Variants in ST18 observed in about 807,000 individuals in gnomAD.
ST18 encodes suppression of tumorigenicity 18 protein.
ST18 carries 50 observed loss-of-function variants against 110.0 expected under a neutral mutation model. The observed-to-expected ratio is 0.45, with a 90% CI of 0.36 to 0.58. ST18 has a LOEUF of 0.58. Among genes scored for constraint, ST18 ranks in the 20% least tolerant of loss-of-function variants. The probability of loss-of-function intolerance (pLI) is 0.00; values close to 1 mark genes in which losing one functional copy is unlikely to be tolerated. For synonymous variants in ST18, 461 were observed against 452.4 expected (o/e 1.02, Z -0.24); for missense variants, 1,306 against 1,280.1 (o/e 1.02, Z -0.31).
intron 17 of ST18, among the ~76,000 whole-genome samples, chr8:52,141,329 G>T (rs1347328189): frequency 6.6e-6 from 1 of 152,228 alleles, no homozygotes. Context: ...CCAAGTCACT[G>T]TCCATGTAGG....
intron 2 of ST18, among the ~76,000 whole-genome samples, chr8:52,259,834 T>A (rs2094630951): frequency 6.6e-6 from 1 of 152,190 alleles, no homozygotes; most frequent in South Asian, 2.1e-4. Context: ...TATCTACACA[T>A]CCTACCAGAC....
At chr8:52,388,846 A>G (rs560925555) in intron 2 of ST18, among the ~76,000 whole-genome samples, 11 of 149,378 alleles carry the variant, frequency 7.4e-5, no homozygotes, top group South Asian at 2.2e-4. Context: ...GGATAGCTTT[A>G]GGAGATATAC....
intron 2 of ST18, among the ~76,000 whole-genome samples, chr8:52,263,870 C>T (rs913026951): frequency 1.5e-5 from 2 of 136,546 alleles, no homozygotes; most frequent in Admixed American, 1.4e-4. Flanking sequence ...CCGATCTTCA[C>T]TCACTGCAAC....
intron 8 of ST18, among the ~76,000 whole-genome samples, chr8:52,185,869 G>A (rs750840385): frequency 1.3e-5 from 2 of 152,094 alleles, no homozygotes; most frequent in Non-Finnish European, 2.9e-5. Context: ...CACGACCTTG[G>A]GGTAGGCAAA....
chr8:52,212,130 A>T lies in ST18; in HGVS notation c.56-21T>A, dbSNP rs188630576. 171 of 1,596,114 alleles carry T rather than the reference A, an allele frequency of 1.1e-4. No homozygotes were observed. The Middle Eastern group carries it at 1.5e-3, about 14-fold the overall frequency. On this transcript the variant is annotated intron_variant, in intron 7 of 25. Coordinates refer to ENST00000689386, the MANE Select transcript of ST18 (RefSeq NM_001352837.2). ...TGGCACTGTTGACAAAAGAAGAAAA[A>T]AAAGAAGACTTAATCAGTTGATAAT...
At chr8:52,402,986 A>G (rs1287655596) in intron 2 of ST18, among the ~76,000 whole-genome samples, 1 of 152,116 alleles carries the variant, frequency 6.6e-6, no homozygotes, top group Non-Finnish European at 1.5e-5. Flanking sequence ...CAGGGATGTA[A>G]CTGCTCCCCT....
rs191599193 is a variant in ST18 at position 52,397,958 on chromosome 8, T to A, written c.-465+11370A>T. ...CTGTGGTTTCACACAAATTTTAGAG[T>A]TTTTTTTTCAATTTCTGTGAAAAAT... On this transcript the variant is annotated intron_variant, in intron 2 of 25. Transcript: ENST00000689386. Among the ~76,000 whole-genome samples, 41 of 151,258 alleles carry A rather than the reference T, an allele frequency of 2.7e-4. No homozygotes were observed. The East Asian group carries it at 6.8e-3, about 25-fold the overall frequency.
chr8:52,342,773 A>T (rs928758803), intron 2 of ST18, among the ~76,000 whole-genome samples: 1 of 152,172 alleles, frequency 6.6e-6, no homozygotes, highest in Non-Finnish European at 1.5e-5. Flanking sequence ...ACTCTGTTTC[A>T]TCCACCTCAA....
chr8:52,141,094 A>T (rs1563645769), intron 17 of ST18, among the ~76,000 whole-genome samples: 1 of 152,200 alleles, frequency 6.6e-6, no homozygotes, highest in Non-Finnish European at 1.5e-5. Flanking sequence ...GTATCCGTCA[A>T]CCACCAAGCC....
chr8:52,276,706 CT>C (rs1394335059), intron 2 of ST18, among the ~76,000 whole-genome samples: 4 of 151,820 alleles, frequency 2.6e-5, no homozygotes, highest in African/African-American at 9.7e-5. Flanking sequence ...GTTAAATACT[CT>C]GACTATTTTG....
intron 2 of ST18, among the ~76,000 whole-genome samples, chr8:52,334,868 G>A (rs949351006): frequency 3.9e-5 from 6 of 152,036 alleles, no homozygotes; most frequent in Admixed American, 1.3e-4. Context: ...GCCCATTCCC[G>A]CATGCCGACC....
chr8:52,407,999 T>A (rs933880205), intron 2 of ST18: 1 of 152,196 alleles, frequency 6.6e-6, no homozygotes, highest in Non-Finnish European at 1.5e-5. Context: ...AATTTGGAAT[T>A]TTTTATTTTT....
chr8:52,349,173 A>G (rs370695290), intron 2 of ST18, among the ~76,000 whole-genome samples: 5 of 151,842 alleles, frequency 3.3e-5, no homozygotes, highest in Admixed American at 2.0e-4. Flanking sequence ...GCCCTTGACA[A>G]TATCTCCTTC....
chr8:52,277,042 T>G (rs1418578232), intron 2 of ST18, among the ~76,000 whole-genome samples: 10 of 152,190 alleles, frequency 6.6e-5, no homozygotes, highest in Non-Finnish European at 1.3e-4. Flanking sequence ...GCTGGGATTA[T>G]AGGCATGAGC....
At chr8:52,157,455 G>A (rs2060318162) in intron 15 of ST18, among the ~76,000 whole-genome samples, 1 of 152,004 alleles carries the variant, frequency 6.6e-6, no homozygotes, top group Admixed American at 6.6e-5. Context: ...AGCGATTTTA[G>A]TATTTCTCCA....
intron 4 of ST18, among the ~76,000 whole-genome samples, chr8:52,221,075 A>G (rs1314765706): frequency 7.1e-6 from 1 of 141,462 alleles, no homozygotes; most frequent in Non-Finnish European, 1.5e-5. Context: ...TTTATTACCA[A>G]ACTACCTATC....
rs3834880 is a variant in ST18, at chr8:52,112,927, C to CA, written c.*270dup. Reference sequence around the variant, plus strand: ...TCACATTTATTTTACATATACTTTACAAAAAAAAAAAGAGTACAATGAAGA... The same window carrying CA: ...TCACATTTATTTTACATATACTTTACAAAAAAAAAAAAGAGTACAATGAAGA... On this transcript the variant is annotated 3_prime_UTR_variant, in exon 26 of 26. Coordinates refer to ENST00000689386, the MANE Select transcript of ST18 (RefSeq NM_001352837.2). 0.028 allele frequency: 6,664 copies of CA among 234,342 alleles called. 1 individual carries two copies. Among genetic ancestry groups the CA allele is most frequent in the Middle Eastern group, 0.068 (49 of 720 alleles). 14.5% of individuals were successfully genotyped at this position (234,342 alleles called of 1,614,324 possible).
At chr8:52,114,691 G>A (rs1051682205) in intron 25 of ST18, among the ~76,000 whole-genome samples, 3 of 152,152 alleles carry the variant, frequency 2.0e-5, no homozygotes, top group African/African-American at 4.8e-5. Context: ...AACCCAGGTA[G>A]CACAGTGGGT....
chr8:52,389,577 G>T (rs1343874813), intron 2 of ST18, among the ~76,000 whole-genome samples: 2 of 152,176 alleles, frequency 1.3e-5, no homozygotes, highest in Non-Finnish European at 2.9e-5. Context: ...GAGGCAGCGG[G>T]GAGGAACCTG....
Sources: gnomAD v4.1 joint callset for allele counts (sites outside exome capture counted in the v4.1 genomes callset) on GRCh38, gnomAD v4.1.1 for gene constraint, MANE v1.5 for transcripts, NCBI Gene and HGNC (gene_info 2026-07-23, HGNC 2026-07-21) for gene names.